MBNL1: variants seen among roughly 807,000 people sequenced by gnomAD.
MBNL1 encodes the protein muscleblind-like protein 1.
Under a neutral mutation model 42.2 loss-of-function variants are expected in MBNL1, and 8 were observed. The ratio of observed to expected loss-of-function variants is 0.19; its 90% CI spans 0.11 to 0.34. The LOEUF is 0.34. Ranked by LOEUF, MBNL1 falls within the 10% of genes least tolerant of loss-of-function variation. The pLI, the probability that MBNL1 is intolerant of heterozygous loss-of-function variation, is 1.00. For synonymous variants in MBNL1, 169 were observed against 173.9 expected (o/e 0.97, Z 0.22); for missense variants, 309 against 495.3 (o/e 0.62, Z 3.57).
chr3:152,365,416 T>C (rs2096290699), intron 2 of MBNL1, among the ~76,000 whole-genome samples: 1 of 152,136 alleles, frequency 6.6e-6, no homozygotes, highest in African/African-American at 2.4e-5. Context: ...CCTATTAAAA[T>C]TGTCATTATT....
intron 2 of MBNL1, among the ~76,000 whole-genome samples, chr3:152,371,687 T>A (rs2096668276): frequency 6.6e-6 from 1 of 152,218 alleles, no homozygotes; most frequent in South Asian, 2.1e-4. Context: ...CTGATGGGCT[T>A]CCCTTTGTGG....
At chr3:152,347,787 A>G (rs929329015) in intron 2 of MBNL1, among the ~76,000 whole-genome samples, 3 of 152,150 alleles carry the variant, frequency 2.0e-5, no homozygotes, top group African/African-American at 4.8e-5. Context: ...TGCACAGCAC[A>G]GTACTTTTTG....
intron 2 of MBNL1, among the ~76,000 whole-genome samples, chr3:152,254,988 C>T (rs1427913446): frequency 1.3e-5 from 2 of 152,038 alleles, no homozygotes; most frequent in African/African-American, 4.8e-5. Context: ...TATATATGGC[C>T]TATACCACTT....
chr3:152,288,961 AC>A (rs1359683664), intron 1 of MBNL1, among the ~76,000 whole-genome samples: 2 of 152,204 alleles, frequency 1.3e-5, no homozygotes, highest in African/African-American at 4.8e-5. Flanking sequence ...AAACAGACAT[AC>A]TTTTTTTGCA....
At chr3:152,420,665 C>T in intron 3 of MBNL1, among the ~76,000 whole-genome samples, 1 of 152,214 alleles carries the variant, frequency 6.6e-6, no homozygotes, top group East Asian at 1.9e-4. Context: ...TGAGGAAAAA[C>T]CAGCTCAAAA....
At chr3:152,368,611 C>T (rs1710580076) in intron 2 of MBNL1, among the ~76,000 whole-genome samples, 1 of 152,072 alleles carries the variant, frequency 6.6e-6, no homozygotes, top group African/African-American at 2.4e-5. Flanking sequence ...GACAGTATGG[C>T]CATTTTCATG....
intron 2 of MBNL1, among the ~76,000 whole-genome samples, chr3:152,386,374 A>T (rs571735205): frequency 6.6e-6 from 1 of 152,118 alleles, no homozygotes; most frequent in African/African-American, 2.4e-5. Flanking sequence ...CTGAAGAGAT[A>T]ACATAACCTG....
intron 3 of MBNL1, among the ~76,000 whole-genome samples, chr3:152,430,571 A>C (rs187346031): frequency 8.1e-4 from 124 of 152,360 alleles, no homozygotes; most frequent in Middle Eastern, 3.4e-3. Flanking sequence ...TTTCATATGC[A>C]ATCTGACAAT....
chr3:152,314,462 A>G (rs920804625), intron 2 of MBNL1, among the ~76,000 whole-genome samples: 8 of 148,938 alleles, frequency 5.4e-5, no homozygotes, highest in African/African-American at 2.0e-4. Flanking sequence ...CGCAGCCTCC[A>G]CCTCCCGGGT....
intron 3 of MBNL1, among the ~76,000 whole-genome samples, chr3:152,428,549 A>G (rs1017013444): frequency 1.3e-5 from 2 of 152,226 alleles, no homozygotes; most frequent in Non-Finnish European, 2.9e-5. Context: ...GTAGCATTCA[A>G]TGTGGAGGAT....
At chr3:152,450,111 A>C (rs1028430039) in intron 6 of MBNL1, among the ~76,000 whole-genome samples, 1 of 151,354 alleles carries the variant, frequency 6.6e-6, no homozygotes, top group Non-Finnish European at 1.5e-5. Flanking sequence ...AAAAAAAAAA[A>C]AAAAAAACCA....
chr3:152,314,125 C>T (rs1286819732), intron 2 of MBNL1, among the ~76,000 whole-genome samples: 1 of 152,142 alleles, frequency 6.6e-6, no homozygotes, highest in Non-Finnish European at 1.5e-5. Flanking sequence ...CAGCAAAGTA[C>T]CTGCACAGAT....
chr3:152,465,330 T>TAAAC lies in MBNL1; in HGVS notation c.*2966_*2969dup, dbSNP rs1749975095. On this transcript the variant is annotated 3_prime_UTR_variant, in exon 10 of 10. Transcript: ENST00000324210. ...ATTGACTTTCACAAAATTTAAATCA[T>TAAAC]AAACAGGCAAACCAAACAGCACACT... 6.6e-6 allele frequency: 1 copy of TAAAC among 152,418 alleles called. No individual in the cohort carries two copies. The highest frequency in any genetic ancestry group is 1.9e-4 in the East Asian group (1 of 5,204). The allele number at this position is 152,418 out of a possible 1,614,324, so 9.4% of individuals were successfully genotyped here. A position where few individuals can be genotyped will look rare whatever the true frequency, so the allele number is the denominator to read the frequency against.
intron 2 of MBNL1, among the ~76,000 whole-genome samples, chr3:152,310,979 T>G (rs559362560): frequency 6.6e-6 from 1 of 151,672 alleles, no homozygotes; most frequent in South Asian, 2.1e-4. Context: ...CTGTTATTTT[T>G]CTAATGCACA....
In MBNL1 at chr3:152,459,287, C is replaced by A; in HGVS notation, c.1109C>A (p.Ala370Asp). ...ATANQIPIIS[A>D]EHLTSHKYVT... ...ATTTGCTAGATACCCATAATATCTG[C>A]CGAACATCTGACTAGCCACAAGTAT... Residue 370 changes from alanine to aspartate, a missense_variant, in exon 9 of 10, where the codon GCC becomes GAC. Transcript: ENST00000324210. 6.3e-7 allele frequency: 1 copy of A among 1,582,556 alleles called. No individual in the cohort carries two copies. Among genetic ancestry groups the A allele is most frequent in the Non-Finnish European group, 8.6e-7 (1 of 1,163,740 alleles).
At chr3:152,274,918 C>G (rs1423996455) in intron 1 of MBNL1, among the ~76,000 whole-genome samples, 1 of 152,040 alleles carries the variant, frequency 6.6e-6, no homozygotes, top group African/African-American at 2.4e-5. Context: ...ATAAAGGATT[C>G]AAGATGAGGA....
intron 6 of MBNL1, among the ~76,000 whole-genome samples, chr3:152,451,437 T>C (rs1311669319): frequency 6.6e-6 from 1 of 152,174 alleles, no homozygotes; most frequent in East Asian, 1.9e-4. Context: ...TATCCTTTTT[T>C]CCTTCCTCCC....
chr3:152,355,184 A>G (rs1304751835), intron 2 of MBNL1, among the ~76,000 whole-genome samples: 2 of 152,196 alleles, frequency 1.3e-5, no homozygotes, highest in Non-Finnish European at 2.9e-5. Context: ...GCAAAATAGC[A>G]ACATGATTGG....
At chr3:152,413,776 AAAG>A (rs2098643019) in intron 2 of MBNL1, among the ~76,000 whole-genome samples, 1 of 152,176 alleles carries the variant, frequency 6.6e-6, no homozygotes, top group African/African-American at 2.4e-5. Context: ...TTTATTGGTG[AAAG>A]AAGTTGTCAA....
Sources: allele counts gnomAD v4.1 joint callset (sites outside exome capture counted in the v4.1 genomes callset), GRCh38; gene constraint gnomAD v4.1.1; transcripts MANE v1.5; gene names NCBI Gene and HGNC (gene_info 2026-07-23, HGNC 2026-07-21).